Variants in MCMDC2 observed in about 807,000 individuals in gnomAD.
MCMDC2 encodes minichromosome maintenance domain containing 2.
In MCMDC2, 54 loss-of-function variants were observed where a neutral mutation model predicts 75.8. The observed-to-expected ratio is 0.71, with a 90% CI of 0.57 to 0.89. MCMDC2 has a LOEUF of 0.89. MCMDC2 is among the 40% of genes least tolerant of loss of function. The pLI is 0.00. For missense variants in MCMDC2, 656 were observed against 780.4 expected (o/e 0.84, Z 1.90); for synonymous variants, 249 against 274.6 (o/e 0.91, Z 0.92).
chr8:66,886,690 G>C (rs1212800383), intron 9 of MCMDC2, among the ~76,000 whole-genome samples: 1 of 151,842 alleles, frequency 6.6e-6, no homozygotes, highest in Non-Finnish European at 1.5e-5. Flanking sequence ...CACGAGAACT[G>C]CTTGAACCCA....
At chr8:66,903,699 T>G (rs1406037093) in intron 13 of MCMDC2, among the ~76,000 whole-genome samples, 1 of 152,214 alleles carries the variant, frequency 6.6e-6, no homozygotes, top group Non-Finnish European at 1.5e-5. Context: ...TGAATTTTTT[T>G]GCCATTTCTA....
intron 10 of MCMDC2, among the ~76,000 whole-genome samples, chr8:66,894,335 C>CT (rs757689516): frequency 5.3e-5 from 8 of 152,222 alleles, no homozygotes; most frequent in Non-Finnish European, 8.8e-5. Context: ...ATATCATACT[C>CT]TTTCTTACTT....
chr8:66,912,799 C>A (rs1314453796), intron 14 of MCMDC2, among the ~76,000 whole-genome samples: 1 of 151,946 alleles, frequency 6.6e-6, no homozygotes, highest in Non-Finnish European at 1.5e-5. Flanking sequence ...GGAGAGCTAG[C>A]GGAGGGATAG....
intron 4 of MCMDC2, 127 bp from the exon 5 acceptor site, chr8:66,877,222 A>G (rs1811331673): frequency 3.8e-6 from 2 of 529,464 alleles, no homozygotes; most frequent in Admixed American, 4.2e-5. Context: ...CTAATGCTTA[A>G]AATTTTGGTT....
intron 13 of MCMDC2, among the ~76,000 whole-genome samples, chr8:66,902,709 AAAATATATATATATATAT>A (rs1407304917): frequency 9.4e-5 from 10 of 106,190 alleles, no homozygotes; most frequent in African/African-American, 4.4e-4. Context: ...AAAAAAAAAA[AAAATATATATATATATAT>A]ATATATATAT....
intron 13 of MCMDC2, 87 bp from the exon 14 acceptor site, chr8:66,905,139 C>A: frequency 9.3e-7 from 1 of 1,070,580 alleles, no homozygotes; most frequent in South Asian, 3.4e-5. Flanking sequence ...GGCTAAGGTT[C>A]ATATATATCT....
At chr8:66,896,592 G>C (rs940192944) in intron 11 of MCMDC2, among the ~76,000 whole-genome samples, 188 bp from the exon 12 acceptor site, 14 of 151,890 alleles carry the variant, frequency 9.2e-5, no homozygotes, top group African/African-American at 3.4e-4. Flanking sequence ...ACTCACTAAA[G>C]AGGCTTTAAA....
intron 10 of MCMDC2, among the ~76,000 whole-genome samples, chr8:66,895,145 T>C (rs1182798766): frequency 6.6e-6 from 1 of 152,228 alleles, no homozygotes; most frequent in Non-Finnish European, 1.5e-5. Flanking sequence ...ATCCTTGGAT[T>C]ACTTATAATA....
chr8:66,875,464 A>G (rs1332285450), intron 4 of MCMDC2, among the ~76,000 whole-genome samples: 1 of 152,118 alleles, frequency 6.6e-6, no homozygotes, highest in East Asian at 1.9e-4. Flanking sequence ...TTTTTAGTAA[A>G]GACGAGGTTT....
chr8:66,893,590 T>C (rs1428693512), intron 10 of MCMDC2, among the ~76,000 whole-genome samples: 3 of 152,152 alleles, frequency 2.0e-5, no homozygotes, highest in Non-Finnish European at 4.4e-5. Context: ...TTGTGAGACT[T>C]ATTCATTATC....
chr8:66,876,390 A>AG (rs1811282608), intron 4 of MCMDC2, among the ~76,000 whole-genome samples: 1 of 152,086 alleles, frequency 6.6e-6, no homozygotes, highest in African/African-American at 2.4e-5. Context: ...ATATTTTTTG[A>AG]GGGGGAGGGT....
intron 13 of MCMDC2, among the ~76,000 whole-genome samples, chr8:66,903,483 GA>G (rs2130852246): frequency 6.6e-6 from 1 of 152,250 alleles, no homozygotes; most frequent in Non-Finnish European, 1.5e-5. Context: ...ATCAAATAAA[GA>G]AATGGTCTAT....
chr8:66,899,292 C>T (rs1812511064), intron 12 of MCMDC2, among the ~76,000 whole-genome samples: 1 of 152,240 alleles, frequency 6.6e-6, no homozygotes, highest in Non-Finnish European at 1.5e-5. Context: ...ACAGCACTCT[C>T]AGTAGCTGGG....
chr8:66,874,487 A>G, intron 3 of MCMDC2, 31 bp downstream of exon 3: 1 of 1,612,122 alleles, frequency 6.2e-7, no homozygotes, highest in Non-Finnish European at 8.5e-7. Flanking sequence ...ATTTTATGCC[A>G]CATGGAATTT....
intron 8 of MCMDC2, among the ~76,000 whole-genome samples, chr8:66,882,458 C>T (rs1384706768): frequency 1.3e-5 from 2 of 152,038 alleles, no homozygotes; most frequent in African/African-American, 2.4e-5. Context: ...CTCCACCTCC[C>T]GAGTTCAAGG....
At chr8:66,894,226 A>G (rs1019713171) in intron 10 of MCMDC2, among the ~76,000 whole-genome samples, 1 of 152,270 alleles carries the variant, frequency 6.6e-6, no homozygotes, top group African/African-American at 2.4e-5. Context: ...AGGGAATGCT[A>G]ATAACCCCAA....
intron 4 of MCMDC2, among the ~76,000 whole-genome samples, chr8:66,875,184 C>A (rs1321129256): frequency 6.6e-6 from 1 of 152,216 alleles, no homozygotes; most frequent in African/African-American, 2.4e-5. Context: ...CCTGCATCAT[C>A]AATTTTTTTC....
At position 66,891,000 on chromosome 8, in the gene MCMDC2, TA is replaced by T; in HGVS notation, c.1212del (p.Gly405ValfsTer6). On this transcript the variant is annotated frameshift_variant, in exon 10 of 15. Transcript: ENST00000422365. LOFTEE classifies it high-confidence loss of function. ...SIQAGSALLA[K>X]GGICFIGDLA... ...TTCAGGCTGGCAGTGCTTTGCTAGC[TA>T]AAGGTGGTATCTGCTTTATAGGAGA... 1 of 1,607,310 alleles carries T rather than the reference TA, an allele frequency of 6.2e-7. No individual in the cohort carries two copies. The highest frequency in any genetic ancestry group is 8.5e-7 in the Non-Finnish European group (1 of 1,178,554).
intron 1 of MCMDC2, chr8:66,871,659 T>A (rs1210925450): frequency 6.6e-6 from 1 of 152,180 alleles, no homozygotes; most frequent in Non-Finnish European, 1.5e-5. Context: ...TAGTGGCTCA[T>A]ACCTGTAATC....
Sources: gnomAD v4.1 joint callset for allele counts (sites outside exome capture counted in the v4.1 genomes callset) on GRCh38, gnomAD v4.1.1 for gene constraint, MANE v1.5 for transcripts, NCBI Gene and HGNC (gene_info 2026-07-23, HGNC 2026-07-21) for gene names.